Variants in NHSL1 observed in about 807,000 individuals in gnomAD.
NHSL1 encodes NHS like 1, also known as NHS-like protein 1.
Under a neutral mutation model 95.0 loss-of-function variants are expected in NHSL1, and 48 were observed. The observed-to-expected ratio is 0.51, with a 90% CI of 0.40 to 0.64. The LOEUF is 0.64. NHSL1 is among the 30% of genes least tolerant of loss of function. The pLI is 0.00. For missense variants in NHSL1, 1,971 were observed against 2,077.7 expected (o/e 0.95, Z 1.00); for synonymous variants, 783 against 833.9 (o/e 0.94, Z 1.05).
At chr6:138,467,443 C>G (rs973904634) in intron 3 of NHSL1, among the ~76,000 whole-genome samples, 7 of 152,218 alleles carry the variant, frequency 4.6e-5, no homozygotes, top group African/African-American at 1.7e-4. Context: ...TAAGCCACCA[C>G]GCCCGGCCAG....
At chr6:138,467,033 AC>A (rs1387944425) in intron 3 of NHSL1, among the ~76,000 whole-genome samples, 4 of 152,268 alleles carry the variant, frequency 2.6e-5, no homozygotes, top group African/African-American at 9.6e-5. Flanking sequence ...CTCAAAACCA[AC>A]AAAAAAACAA....
At chr6:138,540,129 C>A (rs1782522088) in intron 1 of NHSL1, among the ~76,000 whole-genome samples, 1 of 152,146 alleles carries the variant, frequency 6.6e-6, no homozygotes, top group African/African-American at 2.4e-5. Context: ...TGGGAATTCC[C>A]TTTGGTAGCT....
At chr6:138,548,583 A>C (rs1277175708), upstream of NHSL1, among the ~76,000 whole-genome samples, 1 of 152,236 alleles carries the variant, frequency 6.6e-6, no homozygotes, top group Non-Finnish European at 1.5e-5. Flanking sequence ...AGGGAAGCCA[A>C]AAGATTGGAT....
intron 1 of NHSL1, among the ~76,000 whole-genome samples, chr6:138,578,851 G>C (rs1784010590): frequency 6.6e-6 from 1 of 152,298 alleles, no homozygotes; most frequent in African/African-American, 2.4e-5. Context: ...AGTTAGCACA[G>C]TGCTAGACTA....
chr6:138,465,061 A>C (rs1778272531), intron 3 of NHSL1, among the ~76,000 whole-genome samples: 1 of 151,740 alleles, frequency 6.6e-6, no homozygotes, highest in South Asian at 2.1e-4. Context: ...CTTCAAAAAA[A>C]AAAAAAAAAA....
chr6:138,475,123 T>C (rs1168836936), intron 2 of NHSL1, among the ~76,000 whole-genome samples: 1 of 145,310 alleles, frequency 6.9e-6, no homozygotes, highest in Non-Finnish European at 1.5e-5. Flanking sequence ...CACTCCAGCC[T>C]GGGCAACAAG....
At chr6:138,594,765 T>G (rs1784278909) in intron 1 of NHSL1, among the ~76,000 whole-genome samples, 1 of 152,200 alleles carries the variant, frequency 6.6e-6, no homozygotes. Context: ...GACCCCAAGT[T>G]TACAGATTTC....
intron 1 of NHSL1, among the ~76,000 whole-genome samples, chr6:138,653,146 G>A (rs983350561): frequency 3.9e-5 from 6 of 152,150 alleles, no homozygotes; most frequent in Admixed American, 1.3e-4. Flanking sequence ...ATTTAGTAGG[G>A]TGTAAAACTT....
intron 1 of NHSL1, among the ~76,000 whole-genome samples, chr6:138,565,002 G>A (rs955205237): frequency 4.6e-5 from 7 of 152,144 alleles, no homozygotes; most frequent in Non-Finnish European, 7.3e-5. Context: ...GGGAGAGGAC[G>A]GAGGCAGATC....
At chr6:138,503,333 A>G (rs1237502906), upstream of NHSL1, among the ~76,000 whole-genome samples, 1 of 152,196 alleles carries the variant, frequency 6.6e-6, no homozygotes, top group Non-Finnish European at 1.5e-5. Context: ...CCTTTGTCCT[A>G]TGCTATTTAC....
intron 1 of NHSL1, among the ~76,000 whole-genome samples, chr6:138,685,705 AT>A (rs1444562603): frequency 6.6e-6 from 1 of 152,076 alleles, no homozygotes; most frequent in African/African-American, 2.4e-5. Flanking sequence ...TAAATAAATA[AT>A]TTTTTAATGT....
chr6:138,669,786 T>A (rs1418591648), intron 1 of NHSL1, among the ~76,000 whole-genome samples: 1 of 151,718 alleles, frequency 6.6e-6, no homozygotes, highest in Non-Finnish European at 1.5e-5. Flanking sequence ...AGTAGAGGGG[T>A]CTTCTTTGGA....
At chr6:138,492,654 A>T (rs926111886) in intron 2 of NHSL1, among the ~76,000 whole-genome samples, 2 of 152,174 alleles carry the variant, frequency 1.3e-5, no homozygotes, top group African/African-American at 4.8e-5. Context: ...ATATGTTTAC[A>T]TTTCATTATG....
intron 1 of NHSL1, among the ~76,000 whole-genome samples, chr6:138,684,656 C>A (rs6940908): frequency 0.45 from 67,119 of 150,098 alleles, 16,040 homozygotes; most frequent in South Asian, 0.64. Flanking sequence ...GAAAAACAAA[C>A]AAACAAACAA....
At chr6:138,633,899 T>C (rs1344710387) in intron 1 of NHSL1, among the ~76,000 whole-genome samples, 2 of 152,070 alleles carry the variant, frequency 1.3e-5, no homozygotes, top group African/African-American at 4.8e-5. Flanking sequence ...TAATAAGATA[T>C]AAATAGAAAC....
chr6:138,581,879 A>G (rs1784062675), intron 1 of NHSL1, among the ~76,000 whole-genome samples: 1 of 144,916 alleles, frequency 6.9e-6, no homozygotes, highest in Non-Finnish European at 1.5e-5. Context: ...TTAGATTTTG[A>G]GGTTCTACTT....
At chr6:138,483,332 C>T (rs1317628999) in intron 2 of NHSL1, among the ~76,000 whole-genome samples, 4 of 152,058 alleles carry the variant, frequency 2.6e-5, no homozygotes, top group African/African-American at 7.2e-5. Flanking sequence ...ACTCGCCAAG[C>T]GAATAACTTA....
At chr6:138,455,281 C>G (rs1777507666) in intron 3 of NHSL1, among the ~76,000 whole-genome samples, 1 of 152,064 alleles carries the variant, frequency 6.6e-6, no homozygotes, top group Admixed American at 6.5e-5. Context: ...GATCCATATA[C>G]TGAGACCAAG....
At position 138,529,209 on chromosome 6, in the gene NHSL1, C is replaced by A. The variant is rs372781588; in HGVS notation, c.16+16414G>T. ...CCAGGGGTCAGAGAAAGATCTCTTG[C>A]ATCAGCCAGAAATAAAGACTCCCTT... On this transcript the variant is annotated intron_variant, in intron 1 of 4. Transcript: ENST00000342260. Among the ~76,000 whole-genome samples the A allele has an allele frequency of 1.4e-4, 22 of 152,284 alleles. No homozygotes were observed. The East Asian group carries it at 3.7e-3, about 25-fold the overall frequency.
Sources: gnomAD v4.1 joint callset for allele counts (sites outside exome capture counted in the v4.1 genomes callset) on GRCh38, gnomAD v4.1.1 for gene constraint, MANE v1.5 for transcripts, NCBI Gene and HGNC (gene_info 2026-07-23, HGNC 2026-07-21) for gene names.